LHPP: variants seen among roughly 807,000 people sequenced by gnomAD.
LHPP encodes the protein hLHPP.
A neutral mutation model predicts 30.3 loss-of-function variants in LHPP; 24 were observed. The ratio of observed to expected loss-of-function variants is 0.79; its 90% CI spans 0.57 to 1.11. The LOEUF (loss-of-function observed/expected upper bound fraction) is 1.11, where lower values mean the gene tolerates loss of function less well. Among genes scored for constraint, LHPP ranks in the 50% most tolerant of loss-of-function variants. The pLI is 0.00. For synonymous variants in LHPP, 150 were observed against 157.1 expected (o/e 0.95, Z 0.34); for missense variants, 356 against 367.2 (o/e 0.97, Z 0.25).
At chr10:124,531,435 A>C (rs949480065) in intron 6 of LHPP, among the ~76,000 whole-genome samples, 2 of 152,236 alleles carry the variant, frequency 1.3e-5, no homozygotes, top group Non-Finnish European at 2.9e-5. Flanking sequence ...CCCTTCTCCC[A>C]GAGACAGACC....
chr10:124,518,582 C>T (rs1954524519), intron 6 of LHPP, among the ~76,000 whole-genome samples: 1 of 152,254 alleles, frequency 6.6e-6, no homozygotes, highest in Non-Finnish European at 1.5e-5. Flanking sequence ...TGACACCTCC[C>T]TGCTTGGGAG....
chr10:124,487,605 G>A (rs1329610245), intron 2 of LHPP, among the ~76,000 whole-genome samples: 1 of 152,028 alleles, frequency 6.6e-6, no homozygotes, highest in Non-Finnish European at 1.5e-5. Context: ...ACCGTGCCGG[G>A]CTGATTGTTG....
intron 6 of LHPP, among the ~76,000 whole-genome samples, chr10:124,606,556 G>A (rs547184198): frequency 7.9e-5 from 12 of 152,348 alleles, no homozygotes; most frequent in African/African-American, 2.9e-4. Context: ...CCAACTTCGT[G>A]TGCAGTCTTG....
chr10:124,470,826 A>T (rs1429266821), intron 1 of LHPP, among the ~76,000 whole-genome samples: 5 of 152,078 alleles, frequency 3.3e-5, no homozygotes. Context: ...TGTTTAAGCC[A>T]ACAGGAGTTT....
chr10:124,500,855 T>G (rs1781511375), intron 5 of LHPP, among the ~76,000 whole-genome samples: 1 of 151,974 alleles, frequency 6.6e-6, no homozygotes, highest in African/African-American at 2.4e-5. Context: ...TCCTCAAAGT[T>G]AAACATAGAA....
rs772595676 is a variant in LHPP, at chr10:124,510,860, G to A, written c.625-6320G>A. ...TCCTTGAGAAGGGCAGAGGGGACCCGAATACGGGGGCTCTGGCCGGCCCTG... is the reference window on the plus strand; with the variant it reads ...TCCTTGAGAAGGGCAGAGGGGACCCAAATACGGGGGCTCTGGCCGGCCCTG... On this transcript the variant is annotated intron_variant, in intron 5 of 6. Transcript: ENST00000368842. The surrounding 1 kb of genome is among the most constrained non-coding windows in gnomAD (Gnocchi z 4.0). 5.9e-5 allele frequency among the ~76,000 whole-genome samples: 9 copies of A among 152,232 alleles called. No homozygotes were observed. Among genetic ancestry groups the A allele is most frequent in the Non-Finnish European group, 8.8e-5 (6 of 68,046 alleles).
intron 6 of LHPP, among the ~76,000 whole-genome samples, chr10:124,577,215 G>T (rs1198898341): frequency 6.6e-6 from 1 of 152,102 alleles, no homozygotes; most frequent in Admixed American, 6.5e-5. Context: ...CGACCGCCAG[G>T]CTGTGTGTCT....
chr10:124,579,257 A>C (rs1948714562), intron 6 of LHPP, among the ~76,000 whole-genome samples: 2 of 152,372 alleles, frequency 1.3e-5, no homozygotes, highest in South Asian at 4.1e-4. Flanking sequence ...AGTCTGAGTC[A>C]GTCCTGCCTG....
At chr10:124,481,331 CCT>C (rs1446603546) in intron 1 of LHPP, among the ~76,000 whole-genome samples, 2 of 150,894 alleles carry the variant, frequency 1.3e-5, no homozygotes, top group African/African-American at 4.9e-5. Flanking sequence ...TATTTGGGGC[CCT>C]CTCTCACTGG....
intron 6 of LHPP, among the ~76,000 whole-genome samples, chr10:124,549,484 G>A (rs759589961): frequency 2.0e-5 from 3 of 152,012 alleles, no homozygotes; most frequent in Non-Finnish European, 2.9e-5. Flanking sequence ...AGCTAAACTG[G>A]GATATTTAAG....
At chr10:124,569,143 T>TAA (rs1948543905) in intron 6 of LHPP, among the ~76,000 whole-genome samples, 1 of 152,106 alleles carries the variant, frequency 6.6e-6, no homozygotes, top group South Asian at 2.1e-4. Flanking sequence ...TTCCTGCGGG[T>TAA]AAGGCCCGGG....
chr10:124,542,600 G>A (rs1955224864), intron 6 of LHPP, among the ~76,000 whole-genome samples: 1 of 152,194 alleles, frequency 6.6e-6, no homozygotes, highest in African/African-American at 2.4e-5. Context: ...GAGAGGGGCA[G>A]GCTGGTACCA....
chr10:124,528,768 A>T (rs990049496), intron 6 of LHPP, among the ~76,000 whole-genome samples: 2 of 140,148 alleles, frequency 1.4e-5, no homozygotes, highest in African/African-American at 2.8e-5. Flanking sequence ...AGCACCTACT[A>T]TGGCCAGGCG....
intron 6 of LHPP, among the ~76,000 whole-genome samples, chr10:124,547,171 A>T (rs1236473165): frequency 6.6e-6 from 1 of 152,074 alleles, no homozygotes; most frequent in African/African-American, 2.4e-5. Context: ...CAGAAGCAGG[A>T]CCTTGTGCTT....
At chr10:124,515,950 T>C (rs1954441378) in intron 5 of LHPP, among the ~76,000 whole-genome samples, 1 of 152,252 alleles carries the variant, frequency 6.6e-6, no homozygotes, top group South Asian at 2.1e-4. Context: ...TCCACAGCTC[T>C]TTCTCCATGC....
At chr10:124,473,777 A>AC (rs1047043166) in intron 1 of LHPP, among the ~76,000 whole-genome samples, 11 of 152,074 alleles carry the variant, frequency 7.2e-5, no homozygotes, top group African/African-American at 2.7e-4. Flanking sequence ...ACATGGTGAA[A>AC]CCCCGTCTCA....
intron 1 of LHPP, among the ~76,000 whole-genome samples, chr10:124,470,309 G>A (rs1952689584): frequency 6.6e-6 from 1 of 152,158 alleles, no homozygotes; most frequent in African/African-American, 2.4e-5. Flanking sequence ...GCCCGGCTCG[G>A]CGTTTTTGGA....
chr10:124,604,205 C>T (rs905889144), intron 6 of LHPP, among the ~76,000 whole-genome samples: 3 of 152,290 alleles, frequency 2.0e-5, no homozygotes, highest in East Asian at 1.9e-4. Context: ...GGACGGAGGT[C>T]GGAGCAGCCT....
At chr10:124,564,039 T>C (rs1400269348) in intron 6 of LHPP, among the ~76,000 whole-genome samples, 3 of 150,396 alleles carry the variant, frequency 2.0e-5, no homozygotes, top group Non-Finnish European at 1.5e-5. Flanking sequence ...TTCGAACTCC[T>C]GGGCTCAAGC....
Sources: gnomAD v4.1 joint callset for allele counts (sites outside exome capture counted in the v4.1 genomes callset) on GRCh38, gnomAD v4.1.1 for gene constraint, Gnocchi (gnomAD v3.1) non-coding constraint, MANE v1.5 for transcripts, NCBI Gene and HGNC (gene_info 2026-07-23, HGNC 2026-07-21) for gene names.